The following DPYD variants were observed in gnomAD, a reference collection of about 807,000 sequenced individuals.
DPYD encodes dihydropyrimidine dehydrogenase.
Under a neutral mutation model 116.2 loss-of-function variants are expected in DPYD, and 109 were observed. The ratio of observed to expected loss-of-function variants is 0.94; its 90% CI spans 0.80 to 1.10. DPYD has a LOEUF of 1.10. DPYD is among the 50% of genes least tolerant of loss of function. The pLI, the probability that DPYD is intolerant of heterozygous loss-of-function variation, is 0.00. For synonymous variants in DPYD, 440 were observed against 432.0 expected (o/e 1.02, Z -0.23); for missense variants, 1,302 against 1,254.5 (o/e 1.04, Z -0.57).
At chr1:97,425,714 T>C (rs1249666121) in intron 14 of DPYD, among the ~76,000 whole-genome samples, 1 of 152,258 alleles carries the variant, frequency 6.6e-6, no homozygotes, top group Middle Eastern at 3.4e-3. Context: ...AATCATGCTA[T>C]GGCTTCACCT....
chr1:97,422,629 G>A (rs181078368), intron 14 of DPYD, among the ~76,000 whole-genome samples: 212 of 152,222 alleles, frequency 1.4e-3, no homozygotes, highest in East Asian at 2.3e-3. Flanking sequence ...AGGACCCTGA[G>A]CACATGACAG....
At chr1:97,145,217 G>A (rs1654526681) in intron 20 of DPYD, among the ~76,000 whole-genome samples, 1 of 152,106 alleles carries the variant, frequency 6.6e-6, no homozygotes, top group South Asian at 2.1e-4. Context: ...TCCATGTGCA[G>A]CATATTAAAA....
chr1:97,770,241 C>CTA (rs144864136), intron 3 of DPYD, among the ~76,000 whole-genome samples: 2,707 of 152,174 alleles, frequency 0.018, 85 homozygotes, highest in African/African-American at 0.062. Flanking sequence ...TCATAAAAGT[C>CTA]TTATTTAATT....
intron 10 of DPYD, among the ~76,000 whole-genome samples, chr1:97,583,190 C>T (rs1049802568): frequency 1.3e-5 from 2 of 152,066 alleles, no homozygotes; most frequent in African/African-American, 2.4e-5. Context: ...AGGATGGTCT[C>T]GAGCTCCTGA....
intron 19 of DPYD, among the ~76,000 whole-genome samples, chr1:97,199,006 G>A (rs184015706): frequency 4.5e-4 from 68 of 152,238 alleles, no homozygotes; most frequent in African/African-American, 1.6e-3. Context: ...AGGTGCAGAC[G>A]CATTTAATAG....
At chr1:97,781,607 GTA>G (rs1666754418) in intron 3 of DPYD, among the ~76,000 whole-genome samples, 1 of 152,258 alleles carries the variant, frequency 6.6e-6, no homozygotes, top group East Asian at 1.9e-4. Context: ...CATCCTAAAT[GTA>G]TATGTGATCC....
intron 20 of DPYD, among the ~76,000 whole-genome samples, chr1:97,155,500 T>G (rs1025330457): frequency 5.9e-5 from 9 of 152,180 alleles, no homozygotes; most frequent in African/African-American, 2.2e-4. Flanking sequence ...AAGCCCCAAA[T>G]TGCATTAGTT....
At chr1:97,168,712 CA>C (rs1157477231) in intron 20 of DPYD, among the ~76,000 whole-genome samples, 2 of 152,002 alleles carry the variant, frequency 1.3e-5, no homozygotes, top group African/African-American at 4.8e-5. Flanking sequence ...TCTAGATGAC[CA>C]AATTGAACTT....
chr1:97,358,051 GGGATGCCGTGAGAGATGGCACC>G (rs1670512640), intron 16 of DPYD, among the ~76,000 whole-genome samples: 5 of 152,184 alleles, frequency 3.3e-5, no homozygotes, highest in Admixed American at 6.5e-5. Context: ...TCCTAGCCAA[GGGATGCCGTGAGAGATGGCACC>G]TGGAAAACCA....
intron 20 of DPYD, among the ~76,000 whole-genome samples, chr1:97,167,694 A>G (rs1242057680): frequency 5.3e-5 from 8 of 152,200 alleles, no homozygotes; most frequent in Admixed American, 5.2e-4. Flanking sequence ...GTTGATTTTC[A>G]TGTGAGTTTT....
intron 18 of DPYD, among the ~76,000 whole-genome samples, chr1:97,244,952 G>C (rs1012761257): frequency 6.6e-6 from 1 of 152,012 alleles, no homozygotes; most frequent in African/African-American, 2.4e-5. Flanking sequence ...AGTGTGTCTT[G>C]GTTGCGAGTG....
intron 5 of DPYD, among the ~76,000 whole-genome samples, chr1:97,702,056 T>A (rs1461571597): frequency 6.6e-6 from 1 of 151,736 alleles, no homozygotes; most frequent in East Asian, 1.9e-4. Context: ...CAGTACAGAT[T>A]TTCTTAAATA....
chr1:97,486,620 G>A (rs1678655758), intron 13 of DPYD, among the ~76,000 whole-genome samples: 1 of 152,076 alleles, frequency 6.6e-6, no homozygotes, highest in South Asian at 2.1e-4. Context: ...TAATGATTCT[G>A]TAAATAATGG....
At chr1:97,765,207 T>A (rs752423791) in intron 3 of DPYD, among the ~76,000 whole-genome samples, 1 of 152,246 alleles carries the variant, frequency 6.6e-6, no homozygotes, top group Non-Finnish European at 1.5e-5. Context: ...AGCATTGTCA[T>A]AAACTCATTG....
intron 2 of DPYD, among the ~76,000 whole-genome samples, chr1:97,879,256 T>C (rs1053573367): frequency 5.9e-5 from 9 of 151,998 alleles, no homozygotes; most frequent in African/African-American, 2.2e-4. Flanking sequence ...ATATACATTA[T>C]AGCTTATTCT....
At chr1:97,252,883 T>C (rs773592666) in intron 18 of DPYD, among the ~76,000 whole-genome samples, 14 of 152,170 alleles carry the variant, frequency 9.2e-5, no homozygotes, top group Non-Finnish European at 2.1e-4. Context: ...CTGCTTTCAC[T>C]CTAGAAGATT....
intron 12 of DPYD, among the ~76,000 whole-genome samples, chr1:97,533,266 T>C (rs1649771364): frequency 6.6e-6 from 1 of 152,124 alleles, no homozygotes; most frequent in Non-Finnish European, 1.5e-5. Context: ...ATTCTACTAG[T>C]TATAATATTA....
chr1:97,681,347 T>C (rs1209672742), intron 7 of DPYD, among the ~76,000 whole-genome samples: 1 of 152,056 alleles, frequency 6.6e-6, no homozygotes, highest in East Asian at 1.9e-4. Flanking sequence ...GTTTCAAGAA[T>C]ATAAAGTGCA....
chr1:97,528,364 A>T (rs1427898427), intron 12 of DPYD, among the ~76,000 whole-genome samples: 1 of 152,188 alleles, frequency 6.6e-6, no homozygotes, highest in Non-Finnish European at 1.5e-5. Flanking sequence ...CATTTCTTTA[A>T]AAGACTGTGT....
Sources: allele counts gnomAD v4.1 joint callset (sites outside exome capture counted in the v4.1 genomes callset), GRCh38; gene constraint gnomAD v4.1.1; transcripts MANE v1.5; gene names NCBI Gene and HGNC (gene_info 2026-07-23, HGNC 2026-07-21).